C20orf203: variants seen among roughly 807,000 people sequenced by gnomAD.
The protein encoded by C20orf203 is chromosome 20 open reading frame 203.
Under a neutral mutation model 15.9 loss-of-function variants are expected in C20orf203, and 16 were observed. The ratio of observed to expected loss-of-function variants is 1.01; its 90% CI spans 0.68 to 1.53. The LOEUF (loss-of-function observed/expected upper bound fraction) is 1.53. C20orf203 is among the 40% of genes most tolerant of loss of function. C20orf203 has a pLI of 0.00. For missense variants in C20orf203, 263 were observed against 247.5 expected (o/e 1.06, Z -0.42); for synonymous variants, 98 against 97.2 (o/e 1.01, Z -0.05).
In C20orf203 at chr20:32,633,821, A is replaced by T. The variant is rs984427666; in HGVS notation, c.*1749T>A. ...TTGCACTACCTGGTCCCCTGGTCCC[A>T]GCCTCCTTTCATGGAAGGAGGTCTT... On this transcript the variant is annotated 3_prime_UTR_variant, in exon 6 of 6. Coordinates refer to ENST00000608990, the MANE Select transcript of C20orf203 (RefSeq NM_182584.4). 1 of 388,826 alleles carries T rather than the reference A, an allele frequency of 2.6e-6. No individual in the cohort carries two copies. Among genetic ancestry groups the T allele is most frequent in the Non-Finnish European group, 4.5e-6 (1 of 220,526 alleles). The allele number at this position is 388,826 out of a possible 1,614,324, so 24.1% of individuals were successfully genotyped here.
In C20orf203 at chr20:32,651,167, CTA is replaced by C; in HGVS notation, c.-14-3_-14-2del. ...CTAGGAAACATAGGAGACCCTCTCT[CTA>C]AAAAAAAAAAAAAAAAAAAAAAAAT... On this transcript the variant is annotated splice_acceptor_variant and splice_polypyrimidine_tract_variant and intron_variant, in intron 2 of 5. Transcript: ENST00000608990. LOFTEE classifies it low-confidence loss of function (5UTR_SPLICE). The C allele has an allele frequency of 2.9e-6, 1 of 341,342 alleles. No homozygotes were observed. Among genetic ancestry groups the C allele is most frequent in the Non-Finnish European group, 4.8e-6 (1 of 206,198 alleles). 21.1% of individuals were successfully genotyped at this position (341,342 alleles called of 1,614,324 possible).
rs1009505151 is a variant in C20orf203 at position 32,651,031 on chromosome 20, C to T, written c.122G>A (p.Gly41Glu). 6.6e-6 allele frequency: 10 copies of T among 1,504,130 alleles called. No homozygotes were observed. Among genetic ancestry groups the T allele is most frequent in the African/African-American group, 1.4e-5 (1 of 71,182 alleles). 93.2% of individuals were successfully genotyped at this position (1,504,130 alleles called of 1,614,324 possible). Residue 41 changes from glycine to glutamate, a missense_variant, in exon 3 of 6, where the codon GGA (glycine) becomes GAA (glutamate). Physicochemically the swap from Gly to Glu is moderately conservative, Grantham distance 98. Transcript: ENST00000608990. ...AGCACTTCTTACCCGGCTCAGCATT[C>T]CAGTTTTTGTAAAGGGAAAACTGGC... ...RLASFPFTKT[G>E]MLSRATSVLA...
chr20:32,667,818 G>A (rs1459256638), intron 1 of C20orf203, among the ~76,000 whole-genome samples: 2 of 152,042 alleles, frequency 1.3e-5, no homozygotes, highest in African/African-American at 4.8e-5. Context: ...CTACAGGCGC[G>A]TGCCACCACA....
chr20:32,665,569 C>T (rs921527823), intron 1 of C20orf203, among the ~76,000 whole-genome samples: 2 of 152,228 alleles, frequency 1.3e-5, no homozygotes, highest in Admixed American at 6.5e-5. Flanking sequence ...AGGAACCAGA[C>T]AGAAGCTGGT....
chr20:32,668,052 C>T (rs1298292924), intron 1 of C20orf203, among the ~76,000 whole-genome samples: 1 of 152,194 alleles, frequency 6.6e-6, no homozygotes, highest in Non-Finnish European at 1.5e-5. Context: ...CCTGCTGCCC[C>T]TCTAACTAGC....
intron 4 of C20orf203, among the ~76,000 whole-genome samples, chr20:32,647,157 G>A (rs996844443): frequency 1.3e-5 from 2 of 152,194 alleles, no homozygotes; most frequent in African/African-American, 4.8e-5. Flanking sequence ...CACTTTGGGA[G>A]GCCAAGCTGG....
chr20:32,636,119 T>C (rs1220806700), intron 5 of C20orf203, among the ~76,000 whole-genome samples: 2 of 152,148 alleles, frequency 1.3e-5, no homozygotes, highest in Non-Finnish European at 2.9e-5. Context: ...CGGGTGTGCA[T>C]GCCCAGATAC....
chr20:32,671,923 T>C (rs891906328), intron 1 of C20orf203, among the ~76,000 whole-genome samples: 1 of 150,698 alleles, frequency 6.6e-6, no homozygotes, highest in South Asian at 2.1e-4. Flanking sequence ...AGAGAGTTGC[T>C]GTTCAATGGG....
chr20:32,664,084 C>T (rs1052781617), intron 1 of C20orf203, among the ~76,000 whole-genome samples: 7 of 152,322 alleles, frequency 4.6e-5, no homozygotes, highest in East Asian at 1.9e-4. Flanking sequence ...ACTGTGGCCC[C>T]GCAGGCTCTC....
At chr20:32,669,642 C>T (rs376077388) in intron 1 of C20orf203, among the ~76,000 whole-genome samples, 26 of 152,276 alleles carry the variant, frequency 1.7e-4, no homozygotes, top group Middle Eastern at 3.4e-3. Context: ...CCTTTCCTTA[C>T]ACAACACAAA....
chr20:32,634,571 G>A (rs957901795), intron 5 of C20orf203, among the ~76,000 whole-genome samples: 10 of 152,136 alleles, frequency 6.6e-5, no homozygotes, highest in African/African-American at 1.9e-4. Context: ...TACGCAGGAC[G>A]GAGGATGTTT....
chr20:32,653,316 CTTT>C (rs900623839), intron 1 of C20orf203, among the ~76,000 whole-genome samples: 1 of 151,924 alleles, frequency 6.6e-6, no homozygotes, highest in African/African-American at 2.4e-5. Context: ...TGTACCAATG[CTTT>C]TTTTTAGGGG....
chr20:32,649,696 T>C lies in C20orf203; in HGVS notation c.*736A>G, dbSNP rs1982548934. On this transcript the variant is annotated 3_prime_UTR_variant, in exon 4 of 6. Coordinates refer to ENST00000608990, the MANE Select transcript of C20orf203 (RefSeq NM_182584.4). The stretch of plus-strand genomic sequence containing the variant: ...GGATGGAGCCTGAGCCTCTGCTTCT[T>C]GCTTCTGCCCACAGTGACTAGTGGC... 1 of 152,400 alleles carries C rather than the reference T, an allele frequency of 6.6e-6. No homozygotes were observed. Among genetic ancestry groups the C allele is most frequent in the African/African-American group, 2.4e-5 (1 of 41,464 alleles). The allele number at this position is 152,400 out of a possible 1,614,324, so 9.4% of individuals were successfully genotyped here.
intron 1 of C20orf203, among the ~76,000 whole-genome samples, chr20:32,659,063 G>C (rs1368361300): frequency 6.6e-6 from 1 of 152,056 alleles, no homozygotes; most frequent in South Asian, 2.1e-4. Context: ...TTTTAGTAGA[G>C]ATGGGGTTTC....
intron 4 of C20orf203, among the ~76,000 whole-genome samples, chr20:32,642,695 G>A (rs1423352026): frequency 1.3e-5 from 2 of 152,110 alleles, no homozygotes; most frequent in African/African-American, 2.4e-5. Context: ...GAGGCGGGCA[G>A]GGAACTGGTG....
chr20:32,634,770 G>T (rs1002280980), intron 5 of C20orf203, among the ~76,000 whole-genome samples: 11 of 151,854 alleles, frequency 7.2e-5, no homozygotes, highest in Non-Finnish European at 1.0e-4. Context: ...ACAGCAAGAG[G>T]CAAACTATTT....
At chr20:32,669,633 C>T (rs1334256699) in intron 1 of C20orf203, among the ~76,000 whole-genome samples, 1 of 152,148 alleles carries the variant, frequency 6.6e-6, no homozygotes, top group Admixed American at 6.6e-5. Context: ...AAACTGGACC[C>T]TTTCCTTACA....
chr20:32,670,517 A>T (rs1395297435), intron 1 of C20orf203, among the ~76,000 whole-genome samples: 2 of 151,924 alleles, frequency 1.3e-5, no homozygotes, highest in African/African-American at 2.4e-5. Context: ...AAAAAAAATA[A>T]AAATAAATAA....
rs1982045801 is a variant in C20orf203, at chr20:32,633,163, T to C, written c.*2407A>G. On this transcript the variant is annotated 3_prime_UTR_variant, in exon 6 of 6. Coordinates refer to ENST00000608990, the MANE Select transcript of C20orf203 (RefSeq NM_182584.4). ...GGTGGGGACACAGAGTCAAACTATA[T>C]CAGTGACTCACCATCCCAGTTTGCC... The C allele has an allele frequency of 6.6e-6, 1 of 152,132 alleles. No individual in the cohort carries two copies. The highest frequency in any genetic ancestry group is 1.5e-5 in the Non-Finnish European group (1 of 68,036). 9.4% of individuals were successfully genotyped at this position (152,132 alleles called of 1,614,324 possible). A position where few individuals can be genotyped will look rare whatever the true frequency, so the allele number is the denominator to read the frequency against.
Sources: allele counts gnomAD v4.1 joint callset (sites outside exome capture counted in the v4.1 genomes callset), GRCh38; gene constraint gnomAD v4.1.1; transcripts MANE v1.5; gene names NCBI Gene and HGNC (gene_info 2026-07-23, HGNC 2026-07-21).